Variants in PKIA observed in about 807,000 individuals in gnomAD.
PKIA encodes PKI-alpha.
In PKIA, 4 loss-of-function variants were observed where a neutral mutation model predicts 7.6. That is an observed-to-expected ratio of 0.52 (90% CI 0.26 to 1.20). The LOEUF is 1.20. Among genes scored for constraint, PKIA ranks in the 50% most tolerant of loss-of-function variants. PKIA has a pLI of 0.13. For synonymous variants in PKIA, 21 were observed against 30.7 expected, an observed-to-expected ratio of 0.68 and a Z score of 1.04; for missense variants, 73 against 86.2, an observed-to-expected ratio of 0.85 and a Z score of 0.61.
chr8:78,591,453 A>T (rs908596956), intron 2 of PKIA, among the ~76,000 whole-genome samples: 1 of 152,186 alleles, frequency 6.6e-6, no homozygotes, highest in African/African-American at 2.4e-5. Context: ...TTTGAAATCC[A>T]TTATATAAAG....
At chr8:78,532,427 G>T (rs1026599894) in intron 1 of PKIA, among the ~76,000 whole-genome samples, 1 of 148,964 alleles carries the variant, frequency 6.7e-6, no homozygotes, top group African/African-American at 2.5e-5. Context: ...TAAGAAAGAA[G>T]AAATTTTTCT....
chr8:78,554,279 T>C (rs909846445), intron 1 of PKIA, among the ~76,000 whole-genome samples: 2 of 152,026 alleles, frequency 1.3e-5, no homozygotes, highest in Non-Finnish European at 2.9e-5. Context: ...CAACCTAGCA[T>C]GTAGCCCTAA....
chr8:78,568,533 A>G (rs1194471990), intron 1 of PKIA, among the ~76,000 whole-genome samples: 3 of 152,204 alleles, frequency 2.0e-5, no homozygotes, highest in Non-Finnish European at 4.4e-5. Context: ...TATGAAATGA[A>G]TACAATAAAT....
chr8:78,584,784 A>C (rs1807909660), intron 2 of PKIA, among the ~76,000 whole-genome samples: 1 of 152,126 alleles, frequency 6.6e-6, no homozygotes, highest in Non-Finnish European at 1.5e-5. Context: ...CAAACTAGAA[A>C]ATATAAATCT....
At chr8:78,567,460 G>A (rs986119397) in intron 1 of PKIA, among the ~76,000 whole-genome samples, 2 of 152,056 alleles carry the variant, frequency 1.3e-5, no homozygotes, top group African/African-American at 2.4e-5. Context: ...CTGCTAAAAT[G>A]TGTCTTATGC....
intron 2 of PKIA, among the ~76,000 whole-genome samples, chr8:78,586,485 G>T (rs1454079678): frequency 6.6e-6 from 1 of 152,034 alleles, no homozygotes; most frequent in Non-Finnish European, 1.5e-5. Flanking sequence ...CCCTAACAGT[G>T]AGGCAACTGA....
At chr8:78,519,936 A>G (rs1809384636) in intron 1 of PKIA, among the ~76,000 whole-genome samples, 1 of 152,084 alleles carries the variant, frequency 6.6e-6, no homozygotes, top group Admixed American at 6.6e-5. Flanking sequence ...TTCCTTCCCC[A>G]ACCAGATGTG....
intron 1 of PKIA, among the ~76,000 whole-genome samples, chr8:78,532,509 CAAAA>C (rs531910650): frequency 2.0e-5 from 2 of 101,412 alleles, no homozygotes; most frequent in Non-Finnish European, 4.2e-5. Context: ...GACTCCATCT[CAAAA>C]AAAAAAAAAA....
intron 2 of PKIA, among the ~76,000 whole-genome samples, chr8:78,589,517 C>T (rs561731027): frequency 2.0e-5 from 3 of 151,400 alleles, no homozygotes; most frequent in Non-Finnish European, 2.9e-5. Context: ...AAAGAAAGTT[C>T]GAGAGGAGAA....
intron 1 of PKIA, among the ~76,000 whole-genome samples, chr8:78,565,260 C>G (rs1807375190): frequency 6.6e-6 from 1 of 151,650 alleles, no homozygotes; most frequent in Non-Finnish European, 1.5e-5. Context: ...GCCTAAAATT[C>G]TAGTCATTAT....
chr8:78,543,338 CA>C (rs1310036668), intron 1 of PKIA, among the ~76,000 whole-genome samples: 1 of 152,138 alleles, frequency 6.6e-6, no homozygotes, highest in Non-Finnish European at 1.5e-5. Context: ...CATCATCCAT[CA>C]TATCCTTCGT....
intron 1 of PKIA, among the ~76,000 whole-genome samples, chr8:78,565,753 A>G (rs1028150680): frequency 6.6e-6 from 1 of 151,854 alleles, no homozygotes; most frequent in African/African-American, 2.4e-5. Context: ...GACCAGATAC[A>G]AAGCAGGCAC....
intron 2 of PKIA, among the ~76,000 whole-genome samples, chr8:78,593,805 A>G (rs145228790): frequency 4.0e-4 from 61 of 152,326 alleles, no homozygotes; most frequent in African/African-American, 1.3e-3. Context: ...TTTATTAACT[A>G]TGTGAATATG....
At chr8:78,580,076 G>A (rs1807769847) in intron 2 of PKIA, among the ~76,000 whole-genome samples, 1 of 152,108 alleles carries the variant, frequency 6.6e-6, no homozygotes, top group Middle Eastern at 3.4e-3. Flanking sequence ...TTGGCATGGA[G>A]ACTTGAAAAT....
chr8:78,558,439 G>C (rs1807199119), intron 1 of PKIA: 1 of 156,824 alleles, frequency 6.4e-6, no homozygotes, highest in African/African-American at 2.4e-5. Context: ...TACATGGCTG[G>C]GGAGGCCTCA....
At chr8:78,590,126 C>T (rs1182004955) in intron 2 of PKIA, among the ~76,000 whole-genome samples, 1 of 152,066 alleles carries the variant, frequency 6.6e-6, no homozygotes, top group Non-Finnish European at 1.5e-5. Flanking sequence ...TTATCTGCCC[C>T]TGTGAACTTG....
chr8:78,596,416 T>A (rs1808227262), intron 2 of PKIA, among the ~76,000 whole-genome samples: 1 of 150,944 alleles, frequency 6.6e-6, no homozygotes, highest in Non-Finnish European at 1.5e-5. Flanking sequence ...ATTTTTGTAT[T>A]TTTAGTAGAG....
At chr8:78,573,456 C>T (rs531956675) in intron 2 of PKIA, among the ~76,000 whole-genome samples, 2 of 151,924 alleles carry the variant, frequency 1.3e-5, no homozygotes, top group South Asian at 4.2e-4. Flanking sequence ...GTGAATGGAG[C>T]ATGTGAAAGG....
At chr8:78,548,840 A>C (rs911339349) in intron 1 of PKIA, among the ~76,000 whole-genome samples, 1 of 152,098 alleles carries the variant, frequency 6.6e-6, no homozygotes, top group African/African-American at 2.4e-5. Context: ...CATCTACAAT[A>C]TATGATGAAA....
Sources: gnomAD v4.1 joint callset for allele counts (sites outside exome capture counted in the v4.1 genomes callset) on GRCh38, gnomAD v4.1.1 for gene constraint, MANE v1.5 for transcripts, NCBI Gene and HGNC (gene_info 2026-07-23, HGNC 2026-07-21) for gene names.